Variants in GRHL1 observed in about 807,000 individuals in gnomAD.
The protein encoded by GRHL1 is grainyhead-like protein 1 homolog.
In GRHL1, 38 loss-of-function variants were observed where a neutral mutation model predicts 75.7. That is an observed-to-expected ratio of 0.50 (90% CI 0.39 to 0.66). The LOEUF is 0.66. Among genes scored for constraint, GRHL1 ranks in the 30% least tolerant of loss-of-function variants. The probability of loss-of-function intolerance (pLI) is 0.00; values close to 1 mark genes in which losing one functional copy is unlikely to be tolerated. For synonymous variants in GRHL1, 266 were observed against 279.4 expected (o/e 0.95, Z 0.48); for missense variants, 589 against 767.5 (o/e 0.77, Z 2.75).
rs764338064 is a variant in GRHL1 at position 9,992,631 on chromosome 2, A to C, written c.1461+485A>C. On this transcript the variant is annotated intron_variant, in intron 11 of 15. Transcript: ENST00000324907. The surrounding 1 kb of genome is among the most constrained non-coding windows in gnomAD (Gnocchi z 4.6). ...TAAAACTAAATTTTAAAAAATGGTCACGCCCTGTTTTGTGGCAAAGGCTTA... is the reference window on the plus strand; with the variant it reads ...TAAAACTAAATTTTAAAAAATGGTCCCGCCCTGTTTTGTGGCAAAGGCTTA... 1.3e-5 allele frequency among the ~76,000 whole-genome samples: 2 copies of C among 152,250 alleles called. No homozygotes were observed. The highest frequency in any genetic ancestry group is 2.9e-5 in the Non-Finnish European group (2 of 68,036).
rs748443607 is a variant in GRHL1 at position 9,998,697 on chromosome 2, CATAT to C, written c.1678-262_1678-259del. Among the ~76,000 whole-genome samples, 4 of 40,140 alleles carry C rather than the reference CATAT, an allele frequency of 1.0e-4. 1 individual carries two copies. The highest frequency in any genetic ancestry group is 5.8e-4 in the South Asian group (1 of 1,738). The allele number at this position is 40,140 out of a possible 152,430, so 26.3% of individuals were successfully genotyped here. A position where few individuals can be genotyped will look rare whatever the true frequency, so the allele number is the denominator to read the frequency against. On this transcript the variant is annotated intron_variant, in intron 14 of 15. Transcript: ENST00000324907. The stretch of plus-strand genomic sequence containing the variant: ...ATATATATACATATATATGTACACA[CATAT>C]ATATACATATATATGTACACACATA...
rs771829429 is a variant in GRHL1, at chr2:9,992,038, T to G, written c.1353T>G (p.Ser451=). 76 of 1,609,180 alleles carry G rather than the reference T, an allele frequency of 4.7e-5. 2 individuals are homozygous for G. The South Asian group carries it at 8.4e-4, about 18-fold the overall frequency. ...ATGTTAAAGTGCCACTGCTTCCCTCTCACAAGCGAATGGATATCACAGTTT... is the reference window on the plus strand; with the variant it reads ...ATGTTAAAGTGCCACTGCTTCCCTCGCACAAGCGAATGGATATCACAGTTT... ...VSDVKVPLLP[S]HKRMDITVFK... Residue 451 remains serine (S), a synonymous_variant, in exon 11 of 16, where the codon TCT becomes TCG. Coordinates refer to ENST00000324907, the MANE Select transcript of GRHL1 (RefSeq NM_198182.3). The surrounding 1 kb of genome is among the most constrained non-coding windows in gnomAD (Gnocchi z 4.6).
At chr2:9,963,289 G>A (rs1247160828) in intron 5 of GRHL1, among the ~76,000 whole-genome samples, 1 of 152,172 alleles carries the variant, frequency 6.6e-6, no homozygotes, top group Non-Finnish European at 1.5e-5. Context: ...CTGCCATTGT[G>A]CAAAAGCAGC....
At chr2:9,962,911 T>TA (rs200566423) in intron 5 of GRHL1, among the ~76,000 whole-genome samples, 4 of 151,580 alleles carry the variant, frequency 2.6e-5, no homozygotes, top group Admixed American at 1.3e-4. Flanking sequence ...TTTTTTTTTT[T>TA]AAAATCAGCC....
intron 7 of GRHL1, 74 bp downstream of exon 7, chr2:9,964,420 C>T: frequency 3.8e-6 from 3 of 786,454 alleles, no homozygotes; most frequent in Admixed American, 2.4e-5. Context: ...TTATTTTTGG[C>T]AGTGATCAGC....
chr2:9,993,440 C>T (rs923139108), intron 12 of GRHL1, among the ~76,000 whole-genome samples, 196 bp downstream of exon 12: 1 of 152,188 alleles, frequency 6.6e-6, no homozygotes, highest in African/African-American at 2.4e-5. Context: ...GTGTCACAGT[C>T]AAGATTAGAA....
At chr2:9,973,701 A>G (rs977221979) in intron 8 of GRHL1, among the ~76,000 whole-genome samples, 11 of 152,258 alleles carry the variant, frequency 7.2e-5, no homozygotes, top group Admixed American at 6.5e-4. Context: ...GATTTAGAGA[A>G]TTAAATTAGA....
chr2:9,988,383 C>T (rs1282120762), intron 9 of GRHL1, among the ~76,000 whole-genome samples: 1 of 152,168 alleles, frequency 6.6e-6, no homozygotes, highest in Non-Finnish European at 1.5e-5. Context: ...CCAGTCCATC[C>T]CATATGGTGG....
At chr2:9,959,487 C>G (rs943776890) in intron 3 of GRHL1, 1 of 152,140 alleles carries the variant, frequency 6.6e-6, no homozygotes, top group African/African-American at 2.4e-5. Context: ...TTTTATGTAG[C>G]GTAGTTGTGT....
chr2:10,000,418 G>A (rs920865929), intron 15 of GRHL1, among the ~76,000 whole-genome samples, 175 bp from the exon 16 acceptor site: 1 of 152,236 alleles, frequency 6.6e-6, no homozygotes, highest in Middle Eastern at 3.4e-3. Context: ...AATCCTATAA[G>A]ATGGGTACTA....
Position 9,963,869 on chromosome 2 carries a change from CT to C in GRHL1, c.747-10del. On this transcript the variant is annotated splice_polypyrimidine_tract_variant and intron_variant, in intron 5 of 15. Transcript: ENST00000324907. ...CGAGAGTAGATTTAGAGACCTGTGACTTTTTTTGTCCTTTAGGAACAACTTT... is the reference window on the plus strand; with the variant it reads ...CGAGAGTAGATTTAGAGACCTGTGACTTTTTTGTCCTTTAGGAACAACTTT... 3.8e-6 allele frequency: 6 copies of C among 1,595,956 alleles called. No homozygotes were observed. Among genetic ancestry groups the C allele is most frequent in the Non-Finnish European group, 5.1e-6 (6 of 1,169,928 alleles).
intron 4 of GRHL1, 58 bp from the exon 5 acceptor site, chr2:9,962,397 T>G: frequency 1.1e-6 from 1 of 942,686 alleles, no homozygotes; most frequent in Non-Finnish European, 1.8e-6. Context: ...CAGAGCTTGG[T>G]CTTTAGTAAG....
At chr2:9,970,336 C>A (rs774340538) in intron 8 of GRHL1, among the ~76,000 whole-genome samples, 1 of 151,712 alleles carries the variant, frequency 6.6e-6, no homozygotes, top group Non-Finnish European at 1.5e-5. Context: ...GAGTAAGTGG[C>A]GTCAGAGAAG....
chr2:9,986,063 T>A (rs1668404051), intron 8 of GRHL1, 61 bp from the exon 9 acceptor site: 1 of 1,100,114 alleles, frequency 9.1e-7, no homozygotes, highest in Non-Finnish European at 1.3e-6. Flanking sequence ...AATATTTTCA[T>A]GAGCTGTGCT....
intron 12 of GRHL1, among the ~76,000 whole-genome samples, 181 bp downstream of exon 12, chr2:9,993,425 C>G (rs1337922712): frequency 2.6e-5 from 4 of 152,200 alleles, no homozygotes; most frequent in African/African-American, 9.6e-5. Context: ...CAAGGACATC[C>G]TCCTGTGTCA....
intron 5 of GRHL1, among the ~76,000 whole-genome samples, chr2:9,963,436 G>C (rs1667356547): frequency 6.6e-6 from 1 of 152,158 alleles, no homozygotes; most frequent in African/African-American, 2.4e-5. Context: ...GTAGTGTTAG[G>C]TAATAGGTAA....
intron 8 of GRHL1, among the ~76,000 whole-genome samples, chr2:9,985,420 G>T (rs1404061389): frequency 6.6e-6 from 1 of 152,166 alleles, no homozygotes; most frequent in East Asian, 1.9e-4. Flanking sequence ...GGCATGTAAA[G>T]AATCCAGTTA....
rs1668587968 is a variant in GRHL1, at chr2:9,990,355, T to C, written c.1270-341T>C. Among the ~76,000 whole-genome samples, 1 of 152,072 alleles carries C rather than the reference T, an allele frequency of 6.6e-6. No homozygotes were observed. Among genetic ancestry groups the C allele is most frequent in the Non-Finnish European group, 1.5e-5 (1 of 67,998 alleles). On this transcript the variant is annotated intron_variant, in intron 9 of 15. Coordinates refer to ENST00000324907, the MANE Select transcript of GRHL1 (RefSeq NM_198182.3). This position sits in a 1 kb window ranked among gnomAD's most constrained non-coding sequence, Gnocchi z 4.2. ...TAGTAGAGGTGGGGTTTCACCATGT[T>C]GGCCAGGCTGGTCTCGAACTCCTGA... is the stretch of plus-strand genomic sequence containing the variant.
rs918950656 is a variant in GRHL1, at chr2:9,962,641, A to G, written c.746+110A>G. On this transcript the variant is annotated intron_variant, in intron 5 of 15. Coordinates refer to ENST00000324907, the MANE Select transcript of GRHL1 (RefSeq NM_198182.3). ...CTTTAGCAGGCTTTCCCCTTATCTT[A>G]CTACTTTTACTGTGGTACAGTCTTG... 10 of 699,182 alleles carry G rather than the reference A, an allele frequency of 1.4e-5. No individual in the cohort carries two copies. The African/African-American group carries it at 1.8e-4, about 12-fold the overall frequency. 43.3% of individuals were successfully genotyped at this position (699,182 alleles called of 1,614,324 possible). A position where few individuals can be genotyped will look rare whatever the true frequency, so the allele number is the denominator to read the frequency against.
Sources: allele counts gnomAD v4.1 joint callset (sites outside exome capture counted in the v4.1 genomes callset), GRCh38; gene constraint gnomAD v4.1.1; non-coding constraint Gnocchi (gnomAD v3.1); transcripts MANE v1.5; gene names NCBI Gene and HGNC (gene_info 2026-07-23, HGNC 2026-07-21).